Variants in MIPOL1 observed in about 807,000 individuals in gnomAD.
MIPOL1 encodes the protein mirror-image polydactyly gene 1 protein.
MIPOL1 carries 57 observed loss-of-function variants against 60.9 expected under a neutral mutation model. The observed-to-expected ratio is 0.94, with a 90% CI of 0.76 to 1.17. The LOEUF (loss-of-function observed/expected upper bound fraction) is 1.17, where lower values mean the gene tolerates loss of function less well. Ranked by LOEUF, MIPOL1 falls within the 50% of genes most tolerant of loss-of-function variation. The probability of loss-of-function intolerance (pLI) is 0.00; values close to 1 mark genes in which losing one functional copy is unlikely to be tolerated. For missense variants in MIPOL1, 551 were observed against 511.6 expected (o/e 1.08, Z -0.74); for synonymous variants, 179 against 168.8 (o/e 1.06, Z -0.47).
At chr14:37,346,778 A>G (rs1816169603) in intron 9 of MIPOL1, among the ~76,000 whole-genome samples, 1 of 152,182 alleles carries the variant, frequency 6.6e-6, no homozygotes, top group South Asian at 2.1e-4. Flanking sequence ...AGAACCTTGA[A>G]TATAGCCAGA....
At chr14:37,308,557 A>C (rs2086990861) in intron 9 of MIPOL1, 38 bp downstream of exon 9, 1 of 1,381,210 alleles carries the variant, frequency 7.2e-7, no homozygotes, top group Non-Finnish European at 9.5e-7. Flanking sequence ...TATACTTACC[A>C]TTTTCCTCTC....
At chr14:37,308,156 G>C in intron 8 of MIPOL1, 67 bp downstream of exon 8, 1 of 1,464,526 alleles carries the variant, frequency 6.8e-7, no homozygotes. Flanking sequence ...GTTCAATTGA[G>C]TGGGTTTCAA....
chr14:37,474,940 A>C (rs1439522594), intron 11 of MIPOL1, among the ~76,000 whole-genome samples: 1 of 151,936 alleles, frequency 6.6e-6, no homozygotes, highest in Non-Finnish European at 1.5e-5. Context: ...GTGTCTGTTG[A>C]GATCCTTTAC....
intron 11 of MIPOL1, among the ~76,000 whole-genome samples, chr14:37,447,349 T>C (rs2094353270): frequency 6.6e-6 from 1 of 152,172 alleles, no homozygotes; most frequent in South Asian, 2.1e-4. Flanking sequence ...AGGTGCTAAG[T>C]AATGGTTTGT....
chr14:37,251,050 C>G (rs934460007), intron 3 of MIPOL1, among the ~76,000 whole-genome samples: 1 of 151,800 alleles, frequency 6.6e-6, no homozygotes, highest in South Asian at 2.1e-4. Context: ...AAAATAAACC[C>G]AAGTTTTTTT....
chr14:37,307,969 T>G (rs749214795), intron 7 of MIPOL1, 87 bp from the exon 8 acceptor site: 288 of 1,065,692 alleles, frequency 2.7e-4, no homozygotes, highest in Non-Finnish European at 3.7e-4. Context: ...TGAAATTACT[T>G]GAGGTTCTAA....
chr14:37,391,380 A>G (rs2093233280), intron 10 of MIPOL1, among the ~76,000 whole-genome samples: 1 of 149,798 alleles, frequency 6.7e-6, no homozygotes, highest in South Asian at 2.1e-4. Flanking sequence ...ATATTAAAAT[A>G]TTGATCTAAT....
At chr14:37,291,906 T>C (rs1208591484) in intron 7 of MIPOL1, among the ~76,000 whole-genome samples, 1 of 146,952 alleles carries the variant, frequency 6.8e-6, no homozygotes, top group Non-Finnish European at 1.5e-5. Context: ...CATATTACAA[T>C]GGCAATAATT....
intron 11 of MIPOL1, among the ~76,000 whole-genome samples, chr14:37,479,416 A>G (rs6571814): frequency 0.75 from 113,436 of 151,986 alleles, 42,566 homozygotes; most frequent in East Asian, 0.85. Flanking sequence ...TCACAACTAC[A>G]TGGCAATTAA....
intron 1 of MIPOL1, among the ~76,000 whole-genome samples, chr14:37,237,319 G>A (rs1422627635): frequency 1.3e-5 from 2 of 152,090 alleles, no homozygotes; most frequent in African/African-American, 4.8e-5. Context: ...TTAGAGGGAG[G>A]GAACTGCTTC....
chr14:37,478,087 A>G (rs1286485737), intron 11 of MIPOL1, among the ~76,000 whole-genome samples: 1 of 152,224 alleles, frequency 6.6e-6, no homozygotes, highest in African/African-American at 2.4e-5. Flanking sequence ...ATGTCTTGCA[A>G]AAGAGTATGG....
chr14:37,366,178 A>T (rs2092464345), intron 9 of MIPOL1, among the ~76,000 whole-genome samples: 2 of 146,120 alleles, frequency 1.4e-5, no homozygotes, highest in Non-Finnish European at 3.0e-5. Context: ...TCTGATCTTT[A>T]TTGTTTCTTC....
chr14:37,460,836 C>T (rs1016437299), intron 11 of MIPOL1, among the ~76,000 whole-genome samples: 2 of 152,122 alleles, frequency 1.3e-5, no homozygotes, highest in Non-Finnish European at 2.9e-5. Context: ...AACTACAAAA[C>T]ACTGAAGAAA....
chr14:37,497,262 A>G (rs1193124102), intron 11 of MIPOL1, among the ~76,000 whole-genome samples: 1 of 152,244 alleles, frequency 6.6e-6, no homozygotes, highest in Non-Finnish European at 1.5e-5. Flanking sequence ...AAACACCAAA[A>G]GCAATGGCAA....
intron 7 of MIPOL1, among the ~76,000 whole-genome samples, chr14:37,295,644 G>T (rs2085576503): frequency 6.6e-6 from 1 of 151,978 alleles, no homozygotes; most frequent in African/African-American, 2.4e-5. Context: ...AAAAGGCAGG[G>T]GTTGCAATCC....
rs1219852512 is a variant in MIPOL1, at chr14:37,200,848, CTATGTGTGTGTG to C, written c.-199+2746_-199+2757del. Among the ~76,000 whole-genome samples, 726 of 94,884 alleles carry C rather than the reference CTATGTGTGTGTG, an allele frequency of 7.7e-3. 11 individuals carry two copies. The highest frequency in any genetic ancestry group is 0.027 in the African/African-American group (630 of 23,470). The allele number at this position is 94,884 out of a possible 152,430, so 62.2% of individuals were successfully genotyped here. ...TATAGATCCATAATACTATATCTAT[CTATGTGTGTGTG>C]TGTGTGTGTGTGTGTGTGTGTGTGT... On this transcript the variant is annotated intron_variant, in intron 1 of 12. Coordinates refer to ENST00000684589, the MANE Select transcript of MIPOL1 (RefSeq NM_001388067.1).
At chr14:37,416,060 C>T (rs2093763703) in intron 10 of MIPOL1, among the ~76,000 whole-genome samples, 1 of 152,088 alleles carries the variant, frequency 6.6e-6, no homozygotes, top group African/African-American at 2.4e-5. Flanking sequence ...TTCATTCATA[C>T]TTGAAAGTAT....
intron 11 of MIPOL1, among the ~76,000 whole-genome samples, chr14:37,446,771 G>A (rs2094342084): frequency 6.6e-6 from 1 of 152,124 alleles, no homozygotes; most frequent in Non-Finnish European, 1.5e-5. Context: ...CATGTCCTTT[G>A]TAGGGACATG....
intron 12 of MIPOL1, among the ~76,000 whole-genome samples, chr14:37,531,562 C>G (rs1020906777): frequency 2.0e-5 from 3 of 152,082 alleles, no homozygotes; most frequent in Admixed American, 2.0e-4. Context: ...GTGATTTACT[C>G]AAAATAGGTA....
Sources: allele counts gnomAD v4.1 joint callset (sites outside exome capture counted in the v4.1 genomes callset), GRCh38; gene constraint gnomAD v4.1.1; transcripts MANE v1.5; gene names NCBI Gene and HGNC (gene_info 2026-07-23, HGNC 2026-07-21).